The following FAT3 variants were observed in gnomAD, a reference collection of about 807,000 sequenced individuals.
The protein encoded by FAT3 is FAT atypical cadherin 3, also known as protocadherin Fat 3.
Under a neutral mutation model 310.2 loss-of-function variants are expected in FAT3, and 95 were observed. The ratio of observed to expected loss-of-function variants is 0.31; its 90% CI spans 0.26 to 0.36. The LOEUF (loss-of-function observed/expected upper bound fraction) is 0.36, where lower values mean the gene tolerates loss of function less well. FAT3 is among the 10% of genes least tolerant of loss of function. The pLI is 1.00. For synonymous variants in FAT3, 2,314 were observed against 2,192.9 expected (o/e 1.06, Z -1.54); for missense variants, 5,408 against 5,715.6 (o/e 0.95, Z 1.74).
intron 1 of FAT3, among the ~76,000 whole-genome samples, chr11:92,344,036 T>C (rs111292401): frequency 0.026 from 4,005 of 152,274 alleles, 197 homozygotes; most frequent in African/African-American, 0.092. Flanking sequence ...GTACATATTA[T>C]ATCCCTTGGG....
intron 2 of FAT3, among the ~76,000 whole-genome samples, chr11:92,433,645 A>G (rs985417521): frequency 2.6e-5 from 4 of 152,118 alleles, no homozygotes; most frequent in African/African-American, 9.7e-5. Context: ...CATTGGTCTC[A>G]CCGGGAGCTG....
intron 4 of FAT3, among the ~76,000 whole-genome samples, chr11:92,751,924 T>C (rs1043317497): frequency 3.9e-5 from 6 of 152,078 alleles, no homozygotes; most frequent in Admixed American, 1.3e-4. Context: ...AGCTGCAGAA[T>C]AGAAATGGCA....
chr11:92,465,033 A>G (rs1951726944), intron 2 of FAT3, among the ~76,000 whole-genome samples: 1 of 152,114 alleles, frequency 6.6e-6, no homozygotes, highest in Admixed American at 6.6e-5. Flanking sequence ...AACATGCTGG[A>G]GCAGCTGCCG....
chr11:92,651,518 G>A (rs1214334469), intron 3 of FAT3, among the ~76,000 whole-genome samples: 1 of 152,212 alleles, frequency 6.6e-6, no homozygotes, highest in Non-Finnish European at 1.5e-5. Context: ...CTTCAGATTA[G>A]AGTCTCCATG....
intron 24 of FAT3, among the ~76,000 whole-genome samples, chr11:92,885,842 A>G (rs959231250): frequency 2.0e-5 from 3 of 152,128 alleles, no homozygotes; most frequent in African/African-American, 7.2e-5. Flanking sequence ...TTTCTGCAAC[A>G]TGGCTGTTAG....
chr11:92,832,258 C>G (rs112519225), intron 14 of FAT3, among the ~76,000 whole-genome samples: 183 of 152,212 alleles, frequency 1.2e-3, no homozygotes, highest in African/African-American at 4.2e-3. Context: ...ATTACTTGAG[C>G]CCAGGAGCTA....
chr11:92,645,903 G>A (rs145705234), intron 3 of FAT3, among the ~76,000 whole-genome samples: 31 of 152,290 alleles, frequency 2.0e-4, no homozygotes, highest in Non-Finnish European at 3.5e-4. Context: ...ACAGCTCTGT[G>A]TTGAAGTGAA....
chr11:92,685,020 A>G (rs1332233656), intron 3 of FAT3, among the ~76,000 whole-genome samples: 1 of 152,150 alleles, frequency 6.6e-6, no homozygotes, highest in Non-Finnish European at 1.5e-5. Flanking sequence ...CTCCATCTTG[A>G]TATGTATCGT....
At chr11:92,391,754 A>G (rs1949754401) in intron 2 of FAT3, among the ~76,000 whole-genome samples, 1 of 152,132 alleles carries the variant, frequency 6.6e-6, no homozygotes, top group African/African-American at 2.4e-5. Context: ...TAGATCATTT[A>G]CTCATTTCTT....
chr11:92,303,953 A>G (rs1435238613), intron 1 of FAT3, among the ~76,000 whole-genome samples: 1 of 152,112 alleles, frequency 6.6e-6, no homozygotes, highest in Non-Finnish European at 1.5e-5. Context: ...TTACAAAAAG[A>G]TTTCAGTTGA....
chr11:92,522,589 C>A (rs1388304441), intron 2 of FAT3, among the ~76,000 whole-genome samples: 1 of 152,106 alleles, frequency 6.6e-6, no homozygotes. Flanking sequence ...TGCTACCAGG[C>A]AAATTGTCCT....
At chr11:92,596,196 T>C (rs1939699802) in intron 3 of FAT3, among the ~76,000 whole-genome samples, 1 of 152,184 alleles carries the variant, frequency 6.6e-6, no homozygotes, top group Non-Finnish European at 1.5e-5. Context: ...AGGCACCCCA[T>C]TTTTGAGGGC....
At chr11:92,708,979 C>G (rs1210880743) in intron 4 of FAT3, among the ~76,000 whole-genome samples, 1 of 152,204 alleles carries the variant, frequency 6.6e-6, no homozygotes, top group Non-Finnish European at 1.5e-5. Flanking sequence ...CAGTCTTTCC[C>G]TCTGGCTTTC....
intron 1 of FAT3, among the ~76,000 whole-genome samples, chr11:92,247,355 C>T (rs1864957915): frequency 6.6e-6 from 1 of 151,010 alleles, no homozygotes; most frequent in African/African-American, 2.4e-5. Context: ...TTGTAGGGCT[C>T]CCGAATCCCT....
chr11:92,714,414 C>G (rs542659870), intron 4 of FAT3, among the ~76,000 whole-genome samples: 1 of 152,098 alleles, frequency 6.6e-6, no homozygotes, highest in Non-Finnish European at 1.5e-5. Flanking sequence ...AACTGTACTT[C>G]CCACACTAAA....
At chr11:92,551,414 T>TTGTTTTG (rs35238743) in intron 3 of FAT3, among the ~76,000 whole-genome samples, 89 of 128,970 alleles carry the variant, frequency 6.9e-4, no homozygotes, top group African/African-American at 2.0e-3. Context: ...TTTTTTTGTT[T>TTGTTTTG]TGTGTGTGTG....
chr11:92,312,310 T>A (rs1219264209), intron 1 of FAT3, among the ~76,000 whole-genome samples: 1 of 152,198 alleles, frequency 6.6e-6, no homozygotes, highest in African/African-American at 2.4e-5. Context: ...TTCGCAGTAG[T>A]CTGACAGGAC....
intron 4 of FAT3, among the ~76,000 whole-genome samples, chr11:92,705,606 T>TG (rs148754633): frequency 0.21 from 23 of 110 alleles, 8 homozygotes; most frequent in Admixed American, 0.5. Context: ...GGTGGTGTGA[T>TG]GTGGTGGTGG....
At chr11:92,238,959 C>T (rs1864551919) in intron 1 of FAT3, among the ~76,000 whole-genome samples, 1 of 152,088 alleles carries the variant, frequency 6.6e-6, no homozygotes, top group East Asian at 1.9e-4. Flanking sequence ...CCATTTGCAA[C>T]TTTTCATTCA....
Sources: allele counts gnomAD v4.1 joint callset (sites outside exome capture counted in the v4.1 genomes callset), GRCh38; gene constraint gnomAD v4.1.1; transcripts MANE v1.5; gene names NCBI Gene and HGNC (gene_info 2026-07-23, HGNC 2026-07-21).